Variants in EPHB4 observed in about 807,000 individuals in gnomAD.
EPHB4 encodes the protein ephrin type-B receptor 4.
A neutral mutation model predicts 110.6 loss-of-function variants in EPHB4; 50 were observed. The ratio of observed to expected loss-of-function variants is 0.45; its 90% CI spans 0.36 to 0.57. The LOEUF (loss-of-function observed/expected upper bound fraction) is 0.57, where lower values mean the gene tolerates loss of function less well. Ranked by LOEUF, EPHB4 falls within the 20% of genes least tolerant of loss-of-function variation. The pLI, the probability that EPHB4 is intolerant of heterozygous loss-of-function variation, is 0.00. For missense variants in EPHB4, 1,128 were observed against 1,382.1 expected (o/e 0.82, Z 2.91); for synonymous variants, 592 against 578.4 (o/e 1.02, Z -0.34).
Position 100,820,226 on chromosome 7 carries a change from G to A in EPHB4, c.879C>T (p.His293=). The A allele has an allele frequency of 6.2e-7, 1 of 1,614,156 alleles. No homozygotes were observed. The highest frequency in any genetic ancestry group is 8.5e-7 in the Non-Finnish European group (1 of 1,180,018). ...GSCQPCPANS[H]SNTIGSAVCQ... ...AGACGGCTGATCCAATGGTGTTAGA[G>A]TGGCTATTGGCTGGGCATGGCTGGC... Residue 293 remains histidine, a synonymous_variant, in exon 5 of 17, where the codon CAC becomes CAT. Transcript: ENST00000358173.
chr7:100,817,939 T>C (rs1813122706), intron 7 of EPHB4, among the ~76,000 whole-genome samples: 1 of 127,920 alleles, frequency 7.8e-6, no homozygotes, highest in Non-Finnish European at 1.6e-5. Context: ...CTATCTCGGC[T>C]CACTGCAAGC....
chr7:100,818,628 A>C lies in EPHB4; in HGVS notation c.1314T>G (p.Ser438=), dbSNP rs144173. The C allele has an allele frequency of 3.1e-6, 5 of 1,610,418 alleles. No individual in the cohort carries two copies. In the African/African-American group the frequency reaches 5.3e-5, roughly 17 times the overall value. Reference sequence around the variant, plus strand: ...GTGAGGACCGCGTCACCCGGATGTCAGACACTGCAGGAGGTACTGTGAGAG... The same window carrying C: ...GTGAGGACCGCGTCACCCGGATGTCCGACACTGCAGGAGGTACTGTGAGAG... ...TTDREVPPAV[S]DIRVTRSSPS... is the part of the protein sequence containing the mutation. The change falls in exon 7 of 17, where the codon TCT becomes TCG. Residue 438 remains serine (S), a synonymous_variant. Coordinates refer to ENST00000358173, the MANE Select transcript of EPHB4 (RefSeq NM_004444.5).
intron 8 of EPHB4, among the ~76,000 whole-genome samples, chr7:100,815,606 C>T (rs1003291370): frequency 3.9e-5 from 6 of 152,088 alleles, no homozygotes; most frequent in Non-Finnish European, 8.8e-5. Context: ...CAAAAGTCAT[C>T]GATTGTACAC....
chr7:100,817,008 G>A (rs917953269), intron 8 of EPHB4, among the ~76,000 whole-genome samples, 184 bp downstream of exon 8: 7 of 151,208 alleles, frequency 4.6e-5, no homozygotes, highest in Non-Finnish European at 7.4e-5. Flanking sequence ...GCTTGAATCC[G>A]GGAGGCGGAG....
rs377702127 is a variant in EPHB4, at chr7:100,806,486, G to A, written c.2418C>T (p.Tyr806=). The part of the protein sequence containing the change: ...KFTSASDAWS[Y]GIVMWEVMSF... ...ACATCACCTCCCACATCACAATCCC[G>A]TAACTCCAGGCATCACTGGCGGAAG... Residue 806 remains tyrosine, a synonymous_variant, in exon 14 of 17, where the codon TAC becomes TAT. Coordinates refer to ENST00000358173, the MANE Select transcript of EPHB4 (RefSeq NM_004444.5). 1.1e-5 allele frequency: 18 copies of A among 1,613,974 alleles called. No individual in the cohort carries two copies. Among genetic ancestry groups the A allele is most frequent in the Middle Eastern group, 1.7e-4 (1 of 6,060 alleles).
At chr7:100,821,323 G>A (rs1813225384) in intron 4 of EPHB4, 1 of 151,682 alleles carries the variant, frequency 6.6e-6, no homozygotes, top group Non-Finnish European at 1.5e-5. Context: ...AGGTCGCCCA[G>A]ATAATTATCT....
At chr7:100,815,979 C>T (rs891048883) in intron 8 of EPHB4, among the ~76,000 whole-genome samples, 1 of 152,034 alleles carries the variant, frequency 6.6e-6, no homozygotes, top group South Asian at 2.1e-4. Flanking sequence ...TAAAAAAGAC[C>T]GTGTCTCTTA....
rs1812969221 is a variant in EPHB4 at position 100,812,839 on chromosome 7, T to C, written c.2026A>G (p.Ile676Val). ...GTGACCACGCCCTCCAGGCGGATGA[T>C]ATTGGGGTGCTCGAACTGGCCCATG... is the stretch of plus-strand genomic sequence containing the variant. ...SIMGQFEHPNIIRLEGVVTNS... is the reference protein window; with the variant it reads ...SIMGQFEHPNVIRLEGVVTNS... Residue 676 changes from isoleucine (I) to valine (V), a missense_variant, in exon 12 of 17, where the codon ATC (isoleucine) becomes GTC (valine). Around this residue, in one of 3 missense-constraint regions of EPHB4, gnomAD observed 191 missense variants for 313.0 expected, o/e 0.61. Coordinates refer to ENST00000358173, the MANE Select transcript of EPHB4 (RefSeq NM_004444.5). 2 of 1,614,096 alleles carry C rather than the reference T, an allele frequency of 1.2e-6. No individual in the cohort carries two copies. The highest frequency in any genetic ancestry group is 1.7e-5 in the Admixed American group (1 of 60,002).
At chr7:100,825,462 A>T (rs1345362715) in intron 1 of EPHB4, 2 of 152,276 alleles carry the variant, frequency 1.3e-5, no homozygotes, top group Non-Finnish European at 2.9e-5. Context: ...AGCCCAGAGC[A>T]AGCGCAGGCT....
intron 6 of EPHB4, among the ~76,000 whole-genome samples, chr7:100,819,205 T>A (rs963280895): frequency 1.5e-4 from 23 of 152,166 alleles, no homozygotes; most frequent in African/African-American, 4.8e-4. Flanking sequence ...CTCCGACTCC[T>A]GGGCTCAAGC....
chr7:100,806,483 C>T lies in EPHB4; in HGVS notation c.2421G>A (p.Gly807=). ...ATGACATCACCTCCCACATCACAAT[C>T]CCGTAACTCCAGGCATCACTGGCGG... ...FTSASDAWSY[G]IVMWEVMSFG... Residue 807 remains glycine, a synonymous_variant, in exon 14 of 17, where the codon GGG becomes GGA. Coordinates refer to ENST00000358173, the MANE Select transcript of EPHB4 (RefSeq NM_004444.5). 1 of 1,614,150 alleles carries T rather than the reference C, an allele frequency of 6.2e-7. No homozygotes were observed. The highest frequency in any genetic ancestry group is 8.5e-7 in the Non-Finnish European group (1 of 1,180,024).
At chr7:100,819,490 T>C in intron 6 of EPHB4, 67 bp downstream of exon 6, 1 of 1,494,374 alleles carries the variant, frequency 6.7e-7, no homozygotes, top group Non-Finnish European at 9.0e-7. Context: ...CCCCTGCCTC[T>C]CCCCTTCAGG....
At chr7:100,817,118 T>C (rs1813093102) in intron 8 of EPHB4, 74 bp downstream of exon 8, 5 of 1,328,604 alleles carry the variant, frequency 3.8e-6, no homozygotes, top group Non-Finnish European at 4.9e-6. Context: ...GATGGGACTT[T>C]GGAGACCTGG....
intron 8 of EPHB4, 83 bp from the exon 9 acceptor site, chr7:100,814,104 A>T: frequency 6.8e-7 from 1 of 1,478,902 alleles, no homozygotes; most frequent in Non-Finnish European, 9.3e-7. Context: ...ATGAACTGTG[A>T]TCTCCTGAGA....
chr7:100,825,423 A>G (rs939484624), intron 1 of EPHB4: 3 of 152,158 alleles, frequency 2.0e-5, no homozygotes, highest in African/African-American at 7.2e-5. Flanking sequence ...TCTCCAATTT[A>G]CACACTGTCT....
At position 100,817,361 on chromosome 7, in the gene EPHB4, T is replaced by C; in HGVS notation, c.1423-4A>G. On this transcript the variant is annotated splice_polypyrimidine_tract_variant and splice_region_variant and intron_variant, in intron 7 of 16. Coordinates refer to ENST00000358173, the MANE Select transcript of EPHB4 (RefSeq NM_004444.5). ...CGCTGCTGGGACCCTCGGCGCCCTG[T>C]CCGGGAGAGGTAGTGGGGTGGCCGT... 6.4e-7 allele frequency: 1 copy of C among 1,558,360 alleles called. No homozygotes were observed. Among genetic ancestry groups the C allele is most frequent in the Non-Finnish European group, 8.7e-7 (1 of 1,154,756 alleles).
chr7:100,805,803 C>G (rs1301581960), intron 14 of EPHB4, 109 bp from the exon 15 acceptor site: 4 of 1,121,900 alleles, frequency 3.6e-6, no homozygotes, highest in East Asian at 2.9e-5. Flanking sequence ...GCCACAGCCC[C>G]CCAAAAAATA....
rs747930613 is a variant in EPHB4, at chr7:100,803,607, G to A, written c.2835-17C>T. ...AGCAGGTCCCTGCAGAAGGAAAGGAGAGCTTGGTGAGACCCTAGGTTCCCT... is the reference window on the plus strand; with the variant it reads ...AGCAGGTCCCTGCAGAAGGAAAGGAAAGCTTGGTGAGACCCTAGGTTCCCT... On this transcript the variant is annotated splice_polypyrimidine_tract_variant and intron_variant, in intron 16 of 16. Transcript: ENST00000358173. 1 of 1,586,894 alleles carries A rather than the reference G, an allele frequency of 6.3e-7. No individual in the cohort carries two copies. Among genetic ancestry groups the A allele is most frequent in the Non-Finnish European group, 8.6e-7 (1 of 1,161,514 alleles).
At chr7:100,816,755 G>A (rs1813077900) in intron 8 of EPHB4, among the ~76,000 whole-genome samples, 2 of 152,032 alleles carry the variant, frequency 1.3e-5, no homozygotes, top group African/African-American at 4.8e-5. Context: ...TCCTCTCTAG[G>A]GCATGCCATG....
Sources: gnomAD v4.1 joint callset for allele counts (sites outside exome capture counted in the v4.1 genomes callset) on GRCh38, gnomAD v4.1.1 for gene constraint, gnomAD v4.1.1 regional missense constraint, MANE v1.5 for transcripts, NCBI Gene and HGNC (gene_info 2026-07-23, HGNC 2026-07-21) for gene names.